Variants in POFUT4 observed in about 807,000 individuals in gnomAD.
POFUT4 encodes the protein protein O-fucosyltransferase 4, also known as GDP-fucose protein O-fucosyltransferase 4.
the POFUT4 span, chr10:73,772,795 C>G: frequency 1.2e-6 from 2 of 1,611,570 alleles, no homozygotes; most frequent in South Asian, 2.2e-5. Context: ...TCAACAACTT[C>G]TTGCTGAGCC....
the POFUT4 span, chr10:73,774,685 A>C: frequency 2.0e-5 from 3 of 149,752 alleles, no homozygotes; most frequent in Non-Finnish European, 3.0e-5. Context: ...GGGTTGGAGT[A>C]AGACCCTGTC....
chr10:73,772,688 G>T, the POFUT4 span: 1 of 1,565,212 alleles, frequency 6.4e-7, no homozygotes, highest in Non-Finnish European at 8.6e-7. Flanking sequence ...GCGGACGCGC[G>T]CGCTGCTCTT....
chr10:73,778,084 G>A, the POFUT4 span, among the ~76,000 whole-genome samples: 2 of 149,510 alleles, frequency 1.3e-5, no homozygotes, highest in Admixed American at 6.6e-5. Context: ...GGCTGGTCTC[G>A]GACTCCTGAC....
chr10:73,773,246 G>A, the POFUT4 span: 1 of 1,613,468 alleles, frequency 6.2e-7, no homozygotes, highest in Non-Finnish European at 8.5e-7. Context: ...CGCGGCTACA[G>A]GACACAGCCA....
chr10:73,779,804 C>T, the POFUT4 span: 1 of 152,204 alleles, frequency 6.6e-6, no homozygotes, highest in Admixed American at 6.5e-5. Flanking sequence ...CATGGGCTCA[C>T]ATTGGCATTC....
the POFUT4 span, chr10:73,775,447 A>G: frequency 6.2e-7 from 1 of 1,613,532 alleles, no homozygotes; most frequent in South Asian, 1.1e-5. Flanking sequence ...AGACCACTGT[A>G]TCTGCTTAAG....
At chr10:73,778,072 C>T in the POFUT4 span, among the ~76,000 whole-genome samples, 2 of 150,466 alleles carry the variant, frequency 1.3e-5, no homozygotes, top group South Asian at 4.2e-4. Context: ...CCATGTTGGC[C>T]AGGCTGGTCT....
the POFUT4 span, chr10:73,772,850 C>T: frequency 6.2e-7 from 1 of 1,612,352 alleles, no homozygotes; most frequent in Non-Finnish European, 8.5e-7. Context: ...CACCTTCAGT[C>T]GCCACTCGGA....
chr10:73,772,654 G>C, the POFUT4 span: 1 of 1,555,988 alleles, frequency 6.4e-7, no homozygotes, highest in Non-Finnish European at 8.7e-7. Context: ...TGGCGTCCCG[G>C]AACCGCCGAG....
chr10:73,773,751 C>T, the POFUT4 span: 3 of 1,613,114 alleles, frequency 1.9e-6, no homozygotes, highest in Non-Finnish European at 2.5e-6. Context: ...CCAGCCCTCA[C>T]ACATGGACTG....
At chr10:73,775,364 C>T in the POFUT4 span, 14 of 1,488,704 alleles carry the variant, frequency 9.4e-6, no homozygotes, top group South Asian at 1.5e-4. Flanking sequence ...TTGTGACTTA[C>T]TGCCTGTCGC....
chr10:73,776,968 C>T, the POFUT4 span, among the ~76,000 whole-genome samples: 13 of 152,294 alleles, frequency 8.5e-5, no homozygotes, highest in African/African-American at 2.2e-4. Flanking sequence ...TGTCAGCCAC[C>T]GCACCCGGCC....
the POFUT4 span, chr10:73,773,582 T>G: frequency 6.2e-7 from 1 of 1,614,258 alleles, no homozygotes; most frequent in Non-Finnish European, 8.5e-7. Flanking sequence ...TTCTGGATAG[T>G]CTGAAGCATC....
chr10:73,775,426 G>A, the POFUT4 span: 2 of 1,611,422 alleles, frequency 1.2e-6, no homozygotes, highest in African/African-American at 2.7e-5. Context: ...CAGCAGTCTT[G>A]TCCAAGTTAG....
the POFUT4 span, chr10:73,772,688 GC>G: frequency 1.3e-6 from 2 of 1,565,094 alleles, no homozygotes; most frequent in South Asian, 2.3e-5. Context: ...GCGGACGCGC[GC>G]GCTGCTCTTC....
chr10:73,778,474 T>A, the POFUT4 span, among the ~76,000 whole-genome samples: 1 of 150,636 alleles, frequency 6.6e-6, no homozygotes, highest in Non-Finnish European at 1.5e-5. Context: ...ACATACAGTC[T>A]AATGAGCAGG....
chr10:73,773,504 CA>C, the POFUT4 span: 7 of 1,614,088 alleles, frequency 4.3e-6, no homozygotes, highest in Non-Finnish European at 5.9e-6. Flanking sequence ...ACTTTCTGGA[CA>C]AGAATGATGA....
At chr10:73,773,333 C>T in the POFUT4 span, 1 of 1,614,084 alleles carries the variant, frequency 6.2e-7, no homozygotes, top group African/African-American at 1.3e-5. Context: ...AAAATGCCAT[C>T]TGTAACGACT....
the POFUT4 span, chr10:73,774,449 G>A: frequency 6.6e-6 from 1 of 152,096 alleles, no homozygotes; most frequent in Non-Finnish European, 1.5e-5. Flanking sequence ...GGAGGTCAAG[G>A]GGGGAGGAAC....
Sources: gnomAD v4.1 joint callset for allele counts (sites outside exome capture counted in the v4.1 genomes callset) on GRCh38, gnomAD v4.1.1 for gene constraint, MANE v1.5 for transcripts, NCBI Gene and HGNC (gene_info 2026-07-23, HGNC 2026-07-21) for gene names.